RBFOX1: variants seen among roughly 807,000 people sequenced by gnomAD.
RBFOX1 encodes RNA binding protein fox-1 homolog 1.
In RBFOX1, 8 loss-of-function variants were observed where a neutral mutation model predicts 57.7. The observed-to-expected ratio is 0.14, with a 90% CI of 0.08 to 0.25. The LOEUF (loss-of-function observed/expected upper bound fraction) is 0.25. Among genes scored for constraint, RBFOX1 ranks in the 10% least tolerant of loss-of-function variants. The pLI, the probability that RBFOX1 is intolerant of heterozygous loss-of-function variation, is 1.00. For synonymous variants in RBFOX1, 326 were observed against 222.4 expected (o/e 1.47, Z -4.15); for missense variants, 611 against 548.5 (o/e 1.11, Z -1.14).
At chr16:6,739,747 G>C (rs1368144112) in intron 3 of RBFOX1, among the ~76,000 whole-genome samples, 1 of 152,002 alleles carries the variant, frequency 6.6e-6, no homozygotes, top group East Asian at 1.9e-4. Context: ...CGTGGTGGCA[G>C]GTGCCTGTAG....
chr16:6,296,639 C>G (rs1009199768), intron 1 of RBFOX1, among the ~76,000 whole-genome samples: 3 of 152,284 alleles, frequency 2.0e-5, no homozygotes, highest in Admixed American at 6.5e-5. Flanking sequence ...CTGGGATGGT[C>G]TCGATCTCCT....
chr16:5,300,679 A>G (rs946825035), intron 1 of RBFOX1, among the ~76,000 whole-genome samples: 21 of 152,314 alleles, frequency 1.4e-4, no homozygotes, highest in African/African-American at 4.8e-4. Context: ...TTCAATTCAT[A>G]TGATAACTGT....
intron 3 of RBFOX1, among the ~76,000 whole-genome samples, chr16:6,788,141 G>C (rs1212695062): frequency 6.6e-6 from 1 of 152,170 alleles, no homozygotes; most frequent in Non-Finnish European, 1.5e-5. Flanking sequence ...AGAACCGCTT[G>C]AACCTGGGAG....
At chr16:7,432,723 T>G (rs932532738) in intron 4 of RBFOX1, among the ~76,000 whole-genome samples, 1 of 152,220 alleles carries the variant, frequency 6.6e-6, no homozygotes, top group Non-Finnish European at 1.5e-5. Context: ...GGCCATAGTT[T>G]GAGAGCCCTG....
At chr16:7,631,476 G>A (rs915430950) in intron 11 of RBFOX1, among the ~76,000 whole-genome samples, 1 of 152,170 alleles carries the variant, frequency 6.6e-6, no homozygotes, top group Non-Finnish European at 1.5e-5. Context: ...ACTCTACCAT[G>A]TTCTCCCAGA....
intron 3 of RBFOX1, among the ~76,000 whole-genome samples, chr16:6,871,266 A>G (rs2060823917): frequency 6.6e-6 from 1 of 151,686 alleles, no homozygotes; most frequent in Non-Finnish European, 1.5e-5. Context: ...GCTCACTCTA[A>G]CCTCCCCCTC....
chr16:5,440,208 G>T (rs745789262), intron 1 of RBFOX1, among the ~76,000 whole-genome samples: 7 of 152,130 alleles, frequency 4.6e-5, no homozygotes, highest in Non-Finnish European at 8.8e-5. Flanking sequence ...ATAACATTTG[G>T]GCCTCCCACA....
At chr16:7,528,015 C>G (rs537629488) in intron 5 of RBFOX1, among the ~76,000 whole-genome samples, 1 of 152,292 alleles carries the variant, frequency 6.6e-6, no homozygotes, top group East Asian at 1.9e-4. Flanking sequence ...TTAGTACAAA[C>G]TATCAGTACA....
chr16:7,340,144 C>T (rs2096865902), intron 4 of RBFOX1, among the ~76,000 whole-genome samples: 2 of 152,210 alleles, frequency 1.3e-5, no homozygotes, highest in South Asian at 4.1e-4. Context: ...AAGAAAGCTG[C>T]ATAGACTATG....
intron 3 of RBFOX1, among the ~76,000 whole-genome samples, chr16:6,998,629 T>G (rs1300578410): frequency 6.6e-6 from 1 of 152,304 alleles, no homozygotes; most frequent in African/African-American, 2.4e-5. Context: ...TTTTGGTGTC[T>G]CCAAATTGCA....
chr16:7,663,055 A>G (rs1396934341), intron 12 of RBFOX1, among the ~76,000 whole-genome samples: 3 of 152,254 alleles, frequency 2.0e-5, no homozygotes, highest in African/African-American at 7.2e-5. Flanking sequence ...GCATGGCAGC[A>G]TGAAAGAATG....
chr16:6,193,404 A>ACAT (rs58734338), intron 1 of RBFOX1, among the ~76,000 whole-genome samples: 1 of 90,326 alleles, frequency 1.1e-5, no homozygotes, highest in African/African-American at 3.8e-5. Context: ...ATATATATAT[A>ACAT]TATATATATA....
chr16:5,472,643 C>G (rs2069178322), intron 2 of RBFOX1, among the ~76,000 whole-genome samples: 2 of 152,266 alleles, frequency 1.3e-5, no homozygotes, highest in Middle Eastern at 3.4e-3. Flanking sequence ...TGGACTGGGT[C>G]TCACCTCCTT....
chr16:6,600,242 C>G (rs1567830701), intron 2 of RBFOX1, among the ~76,000 whole-genome samples: 1 of 152,104 alleles, frequency 6.6e-6, no homozygotes, highest in African/African-American at 2.4e-5. Flanking sequence ...CGAAATCCAC[C>G]AGACAGAATC....
At position 6,570,909 on chromosome 16, in the gene RBFOX1, A is replaced by C. The variant is rs148818248; in HGVS notation, c.-63-83694A>C. On this transcript the variant is annotated intron_variant, in intron 2 of 15. Transcript: ENST00000550418. ...AAGGAAGAGAAATTTGAAATCTTGC[A>C]GGGCCTTTGATTGAATAACGGTTAT... Among the ~76,000 whole-genome samples, 73 of 152,314 alleles carry C rather than the reference A, an allele frequency of 4.8e-4. No homozygotes were observed. The East Asian group carries it at 0.014, about 28-fold the overall frequency.
At chr16:6,533,942 A>T (rs893286620) in intron 2 of RBFOX1, among the ~76,000 whole-genome samples, 4 of 152,194 alleles carry the variant, frequency 2.6e-5, no homozygotes, top group Non-Finnish European at 5.9e-5. Context: ...TCAAGCTGCA[A>T]GGAGGAAATA....
chr16:5,569,620 T>G (rs571733665), intron 2 of RBFOX1, among the ~76,000 whole-genome samples: 1 of 151,930 alleles, frequency 6.6e-6, no homozygotes, highest in East Asian at 1.9e-4. Context: ...AGAGATAAAA[T>G]AAAGTCCCTA....
intron 3 of RBFOX1, among the ~76,000 whole-genome samples, chr16:6,708,837 A>G (rs2063237083): frequency 6.6e-6 from 1 of 152,150 alleles, no homozygotes; most frequent in African/African-American, 2.4e-5. Context: ...AGAAATGATG[A>G]GTAAGAAATT....
At chr16:7,399,608 A>G (rs2098204307) in intron 4 of RBFOX1, among the ~76,000 whole-genome samples, 1 of 152,126 alleles carries the variant, frequency 6.6e-6, no homozygotes, top group Non-Finnish European at 1.5e-5. Context: ...GGGCTTGTAG[A>G]TGCATCTCGT....
Sources: gnomAD v4.1 joint callset for allele counts (sites outside exome capture counted in the v4.1 genomes callset) on GRCh38, gnomAD v4.1.1 for gene constraint, MANE v1.5 for transcripts, NCBI Gene and HGNC (gene_info 2026-07-23, HGNC 2026-07-21) for gene names.